The following RETREG1 variants were observed in gnomAD, a reference collection of about 807,000 sequenced individuals.
The protein encoded by RETREG1 is family with sequence similarity 134 member B.
In RETREG1, 44 loss-of-function variants were observed where a neutral mutation model predicts 54.8. The ratio of observed to expected loss-of-function variants is 0.80; its 90% CI spans 0.63 to 1.03. The LOEUF (loss-of-function observed/expected upper bound fraction) is 1.03, where lower values mean the gene tolerates loss of function less well. Ranked by LOEUF, RETREG1 falls within the 50% of genes least tolerant of loss-of-function variation. The pLI, the probability that RETREG1 is intolerant of heterozygous loss-of-function variation, is 0.00. For synonymous variants in RETREG1, 217 were observed against 238.5 expected (o/e 0.91, Z 0.83); for missense variants, 554 against 605.1 (o/e 0.92, Z 0.89).
At chr5:16,484,094 A>G (rs1738923920) in intron 3 of RETREG1, among the ~76,000 whole-genome samples, 1 of 152,152 alleles carries the variant, frequency 6.6e-6, no homozygotes, top group African/African-American at 2.4e-5. Context: ...AATTGTTAAA[A>G]AGATCTTACA....
At chr5:16,506,855 T>A (rs1003266415) in intron 3 of RETREG1, among the ~76,000 whole-genome samples, 16 of 151,908 alleles carry the variant, frequency 1.1e-4, no homozygotes, top group African/African-American at 3.6e-4. Flanking sequence ...AAACTACAGG[T>A]AGTAGGGGGA....
At chr5:16,592,607 C>T (rs962013534) in intron 1 of RETREG1, among the ~76,000 whole-genome samples, 1 of 152,042 alleles carries the variant, frequency 6.6e-6, no homozygotes, top group Non-Finnish European at 1.5e-5. Context: ...CGAGTGAGTC[C>T]ACTGCAGCAG....
intron 3 of RETREG1, among the ~76,000 whole-genome samples, chr5:16,556,979 G>A (rs566600286): frequency 1.3e-5 from 2 of 152,188 alleles, no homozygotes; most frequent in Middle Eastern, 6.8e-3. Flanking sequence ...ACAGGCGCCC[G>A]CCACCATGCC....
chr5:16,550,373 G>T (rs1238961447), intron 3 of RETREG1, among the ~76,000 whole-genome samples: 1 of 152,072 alleles, frequency 6.6e-6, no homozygotes, highest in African/African-American at 2.4e-5. Context: ...ACTGCTGGAG[G>T]TACTGATGGT....
intron 1 of RETREG1, among the ~76,000 whole-genome samples, chr5:16,615,182 G>A (rs991736091): frequency 1.3e-4 from 20 of 152,072 alleles, no homozygotes; most frequent in Non-Finnish European, 1.2e-4. Flanking sequence ...CGGATCACGA[G>A]GTCAGGAGAT....
intron 1 of RETREG1, among the ~76,000 whole-genome samples, chr5:16,598,460 G>A (rs1742962914): frequency 6.6e-6 from 1 of 152,172 alleles, no homozygotes; most frequent in African/African-American, 2.4e-5. Flanking sequence ...CCAGGGCCGT[G>A]TTACTCACTG....
In RETREG1 at chr5:16,599,762, G is replaced by A. The variant is rs80184941; in HGVS notation, c.320+16890C>T. ...TTTCTCCTCTTCCTCCCCAAACCAC[G>A]CCAGAATCAAAAGTAAAAATACTGA... On this transcript the variant is annotated intron_variant, in intron 1 of 8. Coordinates refer to ENST00000306320, the MANE Select transcript of RETREG1 (RefSeq NM_001034850.3). Among the ~76,000 whole-genome samples the A allele has an allele frequency of 1.4e-4, 21 of 152,178 alleles. 1 individual carries two copies. The East Asian group carries it at 3.9e-3, about 28-fold the overall frequency.
At chr5:16,567,692 C>A (rs1340773468) in intron 2 of RETREG1, among the ~76,000 whole-genome samples, 1 of 152,130 alleles carries the variant, frequency 6.6e-6, no homozygotes, top group Non-Finnish European at 1.5e-5. Context: ...CACGCTGACT[C>A]ACACCTGTAA....
chr5:16,479,067 A>G, intron 5 of RETREG1, 80 bp from the exon 6 acceptor site: 1 of 1,344,392 alleles, frequency 7.4e-7, no homozygotes, highest in Non-Finnish European at 1.0e-6. Context: ...ACAAAATACT[A>G]CATTTCTTTA....
chr5:16,611,161 A>T (rs4484435), intron 1 of RETREG1, among the ~76,000 whole-genome samples: 69,405 of 151,992 alleles, frequency 0.46, 16,488 homozygotes, highest in Non-Finnish European at 0.54. Context: ...GGACAAAAAA[A>T]CCAAACACTG....
intron 3 of RETREG1, among the ~76,000 whole-genome samples, chr5:16,548,136 A>C (rs966424618): frequency 6.6e-6 from 1 of 152,200 alleles, no homozygotes; most frequent in Non-Finnish European, 1.5e-5. Flanking sequence ...ATGTAAAAAA[A>C]TTCATATCAG....
intron 1 of RETREG1, among the ~76,000 whole-genome samples, chr5:16,578,861 A>T (rs1742410543): frequency 6.6e-6 from 1 of 152,210 alleles, no homozygotes; most frequent in Non-Finnish European, 1.5e-5. Flanking sequence ...AGACAGGTAA[A>T]CAACTGTGTT....
intron 3 of RETREG1, among the ~76,000 whole-genome samples, chr5:16,521,565 A>G (rs1740534862): frequency 6.6e-6 from 1 of 152,228 alleles, no homozygotes; most frequent in Admixed American, 6.5e-5. Context: ...AACGTAAGGA[A>G]GTGGAAATTT....
intron 3 of RETREG1, among the ~76,000 whole-genome samples, chr5:16,539,458 G>T (rs768786281): frequency 2.4e-4 from 36 of 152,118 alleles, no homozygotes; most frequent in Non-Finnish European, 4.0e-4. Flanking sequence ...TCCAGAACAT[G>T]TTTCATAATC....
chr5:16,538,791 G>A (rs1459181274), intron 3 of RETREG1, among the ~76,000 whole-genome samples: 2 of 151,422 alleles, frequency 1.3e-5, no homozygotes, highest in Non-Finnish European at 2.9e-5. Flanking sequence ...TGCAAGCTCC[G>A]CCTCCTGGGT....
chr5:16,490,380 G>A (rs1739196245), intron 3 of RETREG1, among the ~76,000 whole-genome samples: 2 of 152,178 alleles, frequency 1.3e-5, no homozygotes, highest in African/African-American at 4.8e-5. Flanking sequence ...AGATTACACA[G>A]ATTACTATGA....
At chr5:16,548,997 A>G (rs538524244) in intron 3 of RETREG1, among the ~76,000 whole-genome samples, 47 of 152,362 alleles carry the variant, frequency 3.1e-4, no homozygotes, top group African/African-American at 1.1e-3. Context: ...CTGACACAGT[A>G]GCAGAGCTGA....
chr5:16,552,895 G>GA (rs1432809160), intron 3 of RETREG1, among the ~76,000 whole-genome samples: 1 of 152,124 alleles, frequency 6.6e-6, no homozygotes, highest in Non-Finnish European at 1.5e-5. Flanking sequence ...TAGCTTCTCT[G>GA]AAACAGATGT....
chr5:16,569,459 G>A (rs1742112813), intron 2 of RETREG1, among the ~76,000 whole-genome samples: 1 of 152,122 alleles, frequency 6.6e-6, no homozygotes, highest in Admixed American at 6.5e-5. Flanking sequence ...CAGCACCCAG[G>A]TTGGGCCTCA....
Sources: gnomAD v4.1 joint callset for allele counts (sites outside exome capture counted in the v4.1 genomes callset) on GRCh38, gnomAD v4.1.1 for gene constraint, MANE v1.5 for transcripts, NCBI Gene and HGNC (gene_info 2026-07-23, HGNC 2026-07-21) for gene names.